The following SOS1 variants were observed in gnomAD, a reference collection of about 807,000 sequenced individuals.
SOS1 encodes the protein SOS Ras/Rac guanine nucleotide exchange factor 1, also known as son of sevenless homolog 1.
SOS1 carries 25 observed loss-of-function variants against 157.6 expected under a neutral mutation model. The observed-to-expected ratio is 0.16, with a 90% confidence interval of 0.12 to 0.22. SOS1 has a LOEUF of 0.22. SOS1 is among the 10% of genes least tolerant of loss of function. The pLI is 1.00. For missense variants in SOS1, 1,237 were observed against 1,599.1 expected, an observed-to-expected ratio of 0.77 and a Z score of 3.86; for synonymous variants, 528 against 534.0, an observed-to-expected ratio of 0.99 and a Z score of 0.16.
At chr2:38,992,799 A>T (rs1668772918) in intron 20 of SOS1, 1 of 152,236 alleles carries the variant, frequency 6.6e-6, no homozygotes, top group Non-Finnish European at 1.5e-5. Flanking sequence ...TAATGATTTT[A>T]AGTCAGATAT....
chr2:39,026,436 G>T (rs1384598310), intron 8 of SOS1, among the ~76,000 whole-genome samples: 13 of 151,412 alleles, frequency 8.6e-5, no homozygotes, highest in Admixed American at 5.9e-4. Flanking sequence ...ATTTTCCAAA[G>T]GATAAGAGAC....
At chr2:39,060,933 T>TG (rs1357497854) in intron 2 of SOS1, among the ~76,000 whole-genome samples, 3 of 145,358 alleles carry the variant, frequency 2.1e-5, no homozygotes, top group Admixed American at 6.7e-5. Context: ...TACATGTCTT[T>TG]GAAAAAAAAA....
chr2:39,123,202 G>A (rs1331544174), upstream of SOS1, among the ~76,000 whole-genome samples: 1 of 151,966 alleles, frequency 6.6e-6, no homozygotes, highest in African/African-American at 2.4e-5. Context: ...GGCCTTCTCC[G>A]ATCACTCCAA....
intron 5 of SOS1, 43 bp from the exon 6 acceptor site, chr2:39,051,330 T>A: frequency 1.3e-6 from 2 of 1,568,176 alleles, no homozygotes; most frequent in East Asian, 2.2e-5. Context: ...GCTGTATTAT[T>A]ATAATATTAA....
chr2:38,988,716 T>G (rs913147645), intron 21 of SOS1, among the ~76,000 whole-genome samples: 3 of 152,266 alleles, frequency 2.0e-5, no homozygotes, highest in South Asian at 2.1e-4. Context: ...CTTAAATAAT[T>G]AAAATAATGG....
rs2124597097 is a variant in SOS1, at chr2:39,051,274, A to G, written c.734T>C (p.Ile245Thr). ...ATGTATATCTACTATGCGACTAAAT[A>G]TATTTTCTACATCCTGTTTGGGGGA... is the stretch of plus-strand genomic sequence containing the variant. ...KLFSANDVEN[I>T]FSRIVDIHEL... is the part of the protein sequence containing the mutation. The change falls in exon 6 of 23, where the codon ATA becomes ACA. Residue 245 changes from isoleucine (I) to threonine (T), a missense_variant. By Grantham distance (89) the Ile-to-Thr change is moderately conservative. Around this residue, in one of 15 missense-constraint regions of SOS1, gnomAD observed 108 missense variants for 115.3 expected, o/e 0.94. Transcript: ENST00000402219. 1 of 1,611,334 alleles carries G rather than the reference A, an allele frequency of 6.2e-7. No individual in the cohort carries two copies. The highest frequency in any genetic ancestry group is 1.1e-5 in the South Asian group (1 of 91,018).
At chr2:39,102,745 G>C (rs1268674704) in intron 1 of SOS1, among the ~76,000 whole-genome samples, 1 of 151,962 alleles carries the variant, frequency 6.6e-6, no homozygotes, top group East Asian at 1.9e-4. Flanking sequence ...AGGAGTTCAA[G>C]ACCATCCTGG....
chr2:39,058,899 A>G (rs1184357690), intron 2 of SOS1, 95 bp from the exon 3 acceptor site: 3 of 962,998 alleles, frequency 3.1e-6, no homozygotes, highest in Non-Finnish European at 4.8e-6. Context: ...TACCAAAAGT[A>G]GAGCTTTTCA....
At chr2:39,034,038 A>AT (rs1670258567) in intron 8 of SOS1, among the ~76,000 whole-genome samples, 1 of 152,246 alleles carries the variant, frequency 6.6e-6, no homozygotes, top group Non-Finnish European at 1.5e-5. Flanking sequence ...TTCTTTCTAA[A>AT]GATTTTACAT....
In SOS1 at chr2:39,012,207, T is replaced by C; in HGVS notation, c.2309A>G (p.His770Arg). The C allele has an allele frequency of 6.2e-7, 1 of 1,613,846 alleles. No individual in the cohort carries two copies. Among genetic ancestry groups the C allele is most frequent in the Non-Finnish European group, 8.5e-7 (1 of 1,179,802 alleles). ...TVEWHISRPG[H>R]IETFDLLTLH... The stretch of plus-strand genomic sequence containing the variant: ...GGTGAGCAGGTCAAAAGTCTCTATG[T>C]GCCCAGGTCTGCTTATATGCCACTC... Residue 770 changes from histidine to arginine, a missense_variant, in exon 14 of 23, where the codon CAC (histidine) becomes CGC (arginine). Transcript: ENST00000402219.
At chr2:39,020,122 C>G (rs1669752732) in intron 10 of SOS1, among the ~76,000 whole-genome samples, 4 of 151,500 alleles carry the variant, frequency 2.6e-5, no homozygotes, top group African/African-American at 9.7e-5. Flanking sequence ...CTGGAATTAA[C>G]TCGTAATAGA....
chr2:39,099,018 C>A (rs544342488), intron 1 of SOS1, among the ~76,000 whole-genome samples: 74 of 152,280 alleles, frequency 4.9e-4, no homozygotes, highest in African/African-American at 1.8e-3. Flanking sequence ...AAATGTTCAT[C>A]ATCAGTTATT....
intron 6 of SOS1, among the ~76,000 whole-genome samples, chr2:39,047,203 T>C (rs997454569): frequency 6.6e-6 from 1 of 152,238 alleles, no homozygotes; most frequent in Admixed American, 6.5e-5. Context: ...TTGAGTCTTA[T>C]TATACTCAGT....
At chr2:39,057,092 AAT>A (rs916955317) in intron 3 of SOS1, among the ~76,000 whole-genome samples, 1 of 152,218 alleles carries the variant, frequency 6.6e-6, no homozygotes, top group African/African-American at 2.4e-5. Flanking sequence ...AATGATGTAA[AAT>A]ACTTAAGCGG....
intron 8 of SOS1, among the ~76,000 whole-genome samples, chr2:39,024,741 GGTT>G (rs1558475558): frequency 2.0e-5 from 3 of 152,004 alleles, no homozygotes; most frequent in Non-Finnish European, 2.9e-5. Context: ...TACTTTTAGG[GGTT>G]GTTATTAAAA....
chr2:39,124,099 G>A (rs1673991897), upstream of SOS1: 1 of 152,358 alleles, frequency 6.6e-6, no homozygotes, highest in Non-Finnish European at 1.5e-5. Context: ...GACCTACAGG[G>A]AGTGCCAGGG....
chr2:39,095,948 T>C (rs1197757113), intron 1 of SOS1, among the ~76,000 whole-genome samples: 2 of 152,240 alleles, frequency 1.3e-5, no homozygotes, highest in Admixed American at 1.3e-4. Flanking sequence ...CTATGCATTT[T>C]ACAGTTGATA....
intron 1 of SOS1, among the ~76,000 whole-genome samples, chr2:39,080,124 C>A (rs936350063): frequency 6.6e-6 from 1 of 151,640 alleles, no homozygotes; most frequent in Non-Finnish European, 1.5e-5. Context: ...TACAACTCAC[C>A]ATAATGTACA....
In SOS1 at chr2:39,036,337, G is replaced by T. The variant is rs896454543; in HGVS notation, c.865-837C>A. ...TGTTATGAATTAAATCACCCTTAAT[G>T]TTATTTTTCAGATTGCTTTTTTTTT... On this transcript the variant is annotated intron_variant, in intron 6 of 22. Coordinates refer to ENST00000402219, the MANE Select transcript of SOS1 (RefSeq NM_005633.4). Among the ~76,000 whole-genome samples, 5 of 152,044 alleles carry T rather than the reference G, an allele frequency of 3.3e-5. No homozygotes were observed. In the South Asian group the frequency reaches 8.3e-4, roughly 25 times the overall value.
Sources: allele counts gnomAD v4.1 joint callset (sites outside exome capture counted in the v4.1 genomes callset), GRCh38; gene constraint gnomAD v4.1.1; regional missense constraint gnomAD v4.1.1; transcripts MANE v1.5; gene names NCBI Gene and HGNC (gene_info 2026-07-23, HGNC 2026-07-21).